GALNTL6: variants seen among roughly 807,000 people sequenced by gnomAD.
The protein encoded by GALNTL6 is polypeptide N-acetylgalactosaminyltransferase-like 6.
In GALNTL6, 46 loss-of-function variants were observed where a neutral mutation model predicts 73.7. That is an observed-to-expected ratio of 0.62 (90% confidence interval 0.49 to 0.80). The LOEUF is 0.80. Ranked by LOEUF, GALNTL6 falls within the 30% of genes least tolerant of loss-of-function variation. The pLI is 0.00. For synonymous variants in GALNTL6, 259 were observed against 263.7 expected (o/e 0.98, Z 0.17); for missense variants, 604 against 755.0 (o/e 0.80, Z 2.34).
At chr4:171,957,691 C>A (rs1457881447) in intron 2 of GALNTL6, among the ~76,000 whole-genome samples, 2 of 152,118 alleles carry the variant, frequency 1.3e-5, no homozygotes, top group Non-Finnish European at 2.9e-5. Context: ...CTTAGTCTTG[C>A]CCTTCATTAG....
At chr4:172,247,211 C>T (rs1335131445) in intron 3 of GALNTL6, among the ~76,000 whole-genome samples, 1 of 152,158 alleles carries the variant, frequency 6.6e-6, no homozygotes, top group Non-Finnish European at 1.5e-5. Context: ...CTGGCTGCTG[C>T]ACTGACAATT....
intron 5 of GALNTL6, among the ~76,000 whole-genome samples, chr4:172,554,815 A>T (rs573768728): frequency 2.4e-4 from 37 of 152,238 alleles, no homozygotes; most frequent in Non-Finnish European, 2.8e-4. Context: ...TTCTACTACT[A>T]ATGAAAATCT....
At chr4:172,320,087 AC>A (rs1740701744) in intron 4 of GALNTL6, among the ~76,000 whole-genome samples, 1 of 152,102 alleles carries the variant, frequency 6.6e-6, no homozygotes, top group South Asian at 2.1e-4. Context: ...GTTTCCTGTT[AC>A]TAAGAGAAAG....
chr4:172,276,146 T>C (rs991714675), intron 3 of GALNTL6, among the ~76,000 whole-genome samples: 16 of 152,356 alleles, frequency 1.1e-4, no homozygotes, highest in African/African-American at 2.2e-4. Flanking sequence ...TGGGAAGTTA[T>C]GGCCATTGAA....
At chr4:172,221,481 C>T (rs1736674923) in intron 2 of GALNTL6, among the ~76,000 whole-genome samples, 1 of 151,684 alleles carries the variant, frequency 6.6e-6, no homozygotes, top group Non-Finnish European at 1.5e-5. Flanking sequence ...ATAATATGTG[C>T]CTTTTTTGAA....
At chr4:171,879,091 G>A (rs1170751276) in intron 2 of GALNTL6, among the ~76,000 whole-genome samples, 2 of 152,038 alleles carry the variant, frequency 1.3e-5, no homozygotes, top group African/African-American at 2.4e-5. Flanking sequence ...ATAGTAGTGC[G>A]AGAACAAACT....
At chr4:172,392,633 A>C (rs1371337838) in intron 5 of GALNTL6, among the ~76,000 whole-genome samples, 1 of 152,150 alleles carries the variant, frequency 6.6e-6, no homozygotes, top group Non-Finnish European at 1.5e-5. Context: ...AGAGAAAAAC[A>C]TACCTGCTTA....
At chr4:172,406,138 T>C (rs1487735718) in intron 5 of GALNTL6, among the ~76,000 whole-genome samples, 1 of 151,976 alleles carries the variant, frequency 6.6e-6, no homozygotes, top group Non-Finnish European at 1.5e-5. Flanking sequence ...ATAAGTATTA[T>C]GTATATATTA....
At chr4:172,820,518 C>T (rs1741864380) in intron 7 of GALNTL6, among the ~76,000 whole-genome samples, 1 of 152,150 alleles carries the variant, frequency 6.6e-6, no homozygotes, top group Non-Finnish European at 1.5e-5. Context: ...GAAAAATGGA[C>T]TGGTCAAACT....
At chr4:172,393,565 C>G (rs1180803093) in intron 5 of GALNTL6, among the ~76,000 whole-genome samples, 1 of 152,170 alleles carries the variant, frequency 6.6e-6, no homozygotes, top group African/African-American at 2.4e-5. Context: ...TTAAAAATCT[C>G]ATCTTTTGCT....
chr4:172,569,401 T>C (rs1736680326), intron 5 of GALNTL6, among the ~76,000 whole-genome samples: 1 of 152,208 alleles, frequency 6.6e-6, no homozygotes, highest in African/African-American at 2.4e-5. Context: ...TACTGTCATA[T>C]TACGTTATTT....
chr4:172,846,618 TAA>T (rs978583292), intron 7 of GALNTL6, among the ~76,000 whole-genome samples: 6 of 152,174 alleles, frequency 3.9e-5, no homozygotes, highest in Non-Finnish European at 8.8e-5. Context: ...TTGTTTTAAT[TAA>T]GTTATCATGT....
At chr4:172,704,613 G>A (rs1028753533) in intron 5 of GALNTL6, among the ~76,000 whole-genome samples, 6 of 151,858 alleles carry the variant, frequency 4.0e-5, no homozygotes, top group East Asian at 1.9e-4. Context: ...GGCTTAACAC[G>A]TGGTCTATCC....
At chr4:171,858,960 G>A (rs1217807624) in intron 2 of GALNTL6, among the ~76,000 whole-genome samples, 1 of 151,952 alleles carries the variant, frequency 6.6e-6, no homozygotes, top group Non-Finnish European at 1.5e-5. Context: ...ATTAATTTTT[G>A]CAGAAATGAT....
chr4:172,243,174 C>A (rs1367721515), intron 3 of GALNTL6, among the ~76,000 whole-genome samples: 1 of 152,142 alleles, frequency 6.6e-6, no homozygotes, highest in Non-Finnish European at 1.5e-5. Flanking sequence ...CATGTTCCAG[C>A]AATTTTTCAC....
chr4:172,198,281 A>T (rs943008881), intron 2 of GALNTL6, among the ~76,000 whole-genome samples: 2 of 138,652 alleles, frequency 1.4e-5, no homozygotes, highest in African/African-American at 2.7e-5. Context: ...CTGCACATCA[A>T]AAAAAAAAAT....
chr4:172,659,482 AATTAT>A (rs961091900), intron 5 of GALNTL6, among the ~76,000 whole-genome samples: 2 of 152,076 alleles, frequency 1.3e-5, no homozygotes, highest in Admixed American at 1.3e-4. Flanking sequence ...CCTTCTATTT[AATTAT>A]ATTTTTGTCC....
intron 7 of GALNTL6, among the ~76,000 whole-genome samples, chr4:172,864,917 A>C (rs1470786074): frequency 6.6e-6 from 1 of 152,230 alleles, no homozygotes; most frequent in African/African-American, 2.4e-5. Context: ...CTTTTAGATA[A>C]AGGCAAATTA....
chr4:171,959,586 C>A, intron 2 of GALNTL6, among the ~76,000 whole-genome samples: 1 of 152,272 alleles, frequency 6.6e-6, no homozygotes, highest in Non-Finnish European at 1.5e-5. Context: ...CATAGTGGCA[C>A]ATGTCTGTGG....
Sources: allele counts gnomAD v4.1 joint callset (sites outside exome capture counted in the v4.1 genomes callset), GRCh38; gene constraint gnomAD v4.1.1; transcripts MANE v1.5; gene names NCBI Gene and HGNC (gene_info 2026-07-23, HGNC 2026-07-21).